Variants in NRG3 observed in about 807,000 individuals in gnomAD.
NRG3 encodes the protein neuregulin 3.
In NRG3, 31 loss-of-function variants were observed where a neutral mutation model predicts 66.9. The observed-to-expected ratio is 0.46, with a 90% CI of 0.35 to 0.63. The LOEUF (loss-of-function observed/expected upper bound fraction) is 0.63, where lower values mean the gene tolerates loss of function less well. NRG3 is among the 20% of genes least tolerant of loss of function. NRG3 has a pLI of 0.00. For synonymous variants in NRG3, 393 were observed against 359.4 expected (o/e 1.09, Z -1.06); for missense variants, 910 against 878.9 (o/e 1.04, Z -0.45).
chr10:81,917,718 C>T (rs188529655), intron 1 of NRG3, among the ~76,000 whole-genome samples: 4 of 152,182 alleles, frequency 2.6e-5, no homozygotes, highest in African/African-American at 9.6e-5. Context: ...CACATAGATA[C>T]AGTTTGTCTT....
chr10:82,405,572 T>A (rs187820408), intron 2 of NRG3, among the ~76,000 whole-genome samples: 1 of 150,840 alleles, frequency 6.6e-6, no homozygotes, highest in East Asian at 2.0e-4. Context: ...TTCTCATGCC[T>A]CAACCTCCTG....
At chr10:82,183,000 T>A (rs2073541722) in intron 1 of NRG3, among the ~76,000 whole-genome samples, 1 of 151,936 alleles carries the variant, frequency 6.6e-6, no homozygotes, top group Non-Finnish European at 1.5e-5. Flanking sequence ...GTTATGAGAG[T>A]TTTCTTCTAC....
chr10:82,902,248 T>C (rs1844296349), intron 4 of NRG3, among the ~76,000 whole-genome samples: 1 of 152,146 alleles, frequency 6.6e-6, no homozygotes, highest in Admixed American at 6.6e-5. Flanking sequence ...AAAGGGTCAG[T>C]GCTCCAAAGA....
intron 6 of NRG3, among the ~76,000 whole-genome samples, chr10:82,961,255 A>G (rs568730493): frequency 6.6e-6 from 1 of 152,358 alleles, no homozygotes; most frequent in South Asian, 2.1e-4. Context: ...AATGATTAAA[A>G]TCAATAGACA....
intron 2 of NRG3, among the ~76,000 whole-genome samples, chr10:82,621,179 A>T (rs1333697903): frequency 6.6e-6 from 1 of 152,172 alleles, no homozygotes; most frequent in African/African-American, 2.4e-5. Flanking sequence ...AACTTGAAGT[A>T]TTGTCTTTTC....
At position 82,608,434 on chromosome 10, in the gene NRG3, G is replaced by C. The variant is rs116754761; in HGVS notation, c.954-130143G>C. Among the ~76,000 whole-genome samples the C allele has an allele frequency of 5.2e-3, 787 of 151,970 alleles. 6 individuals are homozygous for C. The highest frequency in any genetic ancestry group is 0.017 in the African/African-American group (693 of 41,446). On this transcript the variant is annotated intron_variant, in intron 2 of 8. Coordinates refer to ENST00000372141, the MANE Select transcript of NRG3 (RefSeq NM_001010848.4). ...TTTTTATCTTTCTTGATGTTCCCTG[G>C]GCTTTCTGGATCTTTGATTTTGTTT...
At chr10:82,303,202 A>G (rs144343157) in intron 1 of NRG3, among the ~76,000 whole-genome samples, 2,207 of 152,294 alleles carry the variant, frequency 0.014, 28 homozygotes, top group South Asian at 0.027. Flanking sequence ...CCTGGGTTTT[A>G]TTAAAATAGT....
At chr10:82,983,593 A>T (rs1024104750) in intron 8 of NRG3, among the ~76,000 whole-genome samples, 1 of 152,212 alleles carries the variant, frequency 6.6e-6, no homozygotes, top group Non-Finnish European at 1.5e-5. Flanking sequence ...TAATTTTGGG[A>T]AAGTCATTTG....
intron 1 of NRG3, among the ~76,000 whole-genome samples, chr10:82,263,135 G>C (rs1392413120): frequency 6.6e-6 from 1 of 152,164 alleles, no homozygotes; most frequent in Non-Finnish European, 1.5e-5. Context: ...TGAGTCTGGG[G>C]ACTTAATAAA....
intron 1 of NRG3, among the ~76,000 whole-genome samples, chr10:81,932,341 C>A (rs2133005387): frequency 6.6e-6 from 1 of 151,824 alleles, no homozygotes; most frequent in South Asian, 2.1e-4. Context: ...CATGAGTGAC[C>A]CACCTCCATG....
chr10:82,514,216 C>T (rs1845451031), intron 2 of NRG3, among the ~76,000 whole-genome samples: 1 of 152,106 alleles, frequency 6.6e-6, no homozygotes, highest in African/African-American at 2.4e-5. Flanking sequence ...TAAATTTTTG[C>T]CCTTGTTGCA....
chr10:82,116,307 A>C (rs989238374), intron 1 of NRG3, among the ~76,000 whole-genome samples: 2 of 152,170 alleles, frequency 1.3e-5, no homozygotes, highest in African/African-American at 4.8e-5. Flanking sequence ...TTTAATAGCC[A>C]AGCTTAAAAT....
At chr10:82,249,421 A>G (rs1336164552) in intron 1 of NRG3, among the ~76,000 whole-genome samples, 2 of 152,176 alleles carry the variant, frequency 1.3e-5, no homozygotes, top group East Asian at 1.9e-4. Flanking sequence ...ACTTATGGAG[A>G]TTCTTTTCCC....
intron 3 of NRG3, among the ~76,000 whole-genome samples, chr10:82,841,546 C>T (rs1455968183): frequency 6.6e-6 from 1 of 152,106 alleles, no homozygotes; most frequent in East Asian, 1.9e-4. Context: ...TAGGGCAGGC[C>T]AGCTGACTGG....
intron 1 of NRG3, among the ~76,000 whole-genome samples, chr10:81,882,781 T>C (rs1265394208): frequency 6.6e-6 from 1 of 152,198 alleles, no homozygotes; most frequent in East Asian, 1.9e-4. Flanking sequence ...ATTGTTCTTA[T>C]ATGCCCTTGG....
chr10:82,672,565 G>A (rs937413762), intron 2 of NRG3, among the ~76,000 whole-genome samples: 2 of 152,154 alleles, frequency 1.3e-5, no homozygotes, highest in Non-Finnish European at 2.9e-5. Flanking sequence ...TCATGGTGGT[G>A]GGGAGGAGAT....
intron 6 of NRG3, among the ~76,000 whole-genome samples, chr10:82,962,611 G>C (rs1235108508): frequency 6.6e-6 from 1 of 152,140 alleles, no homozygotes; most frequent in Non-Finnish European, 1.5e-5. Flanking sequence ...GGCCAAAGCA[G>C]GTGGATCACC....
intron 1 of NRG3, among the ~76,000 whole-genome samples, chr10:82,132,872 T>C (rs2069036047): frequency 1.3e-5 from 2 of 151,920 alleles, no homozygotes; most frequent in Non-Finnish European, 2.9e-5. Context: ...TATTTGCTCA[T>C]ATTAATCTCT....
chr10:82,453,412 G>A lies in NRG3; in HGVS notation c.953+94544G>A, dbSNP rs1189398833. Among the ~76,000 whole-genome samples the A allele has an allele frequency of 3.9e-5, 6 of 152,250 alleles. No homozygotes were observed. In the South Asian group the frequency reaches 1.0e-3, roughly 26 times the overall value. On this transcript the variant is annotated intron_variant, in intron 2 of 8. Transcript: ENST00000372141. The stretch of plus-strand genomic sequence containing the variant: ...CAAATCTTACAGATAAGAAGGAAGA[G>A]TCTGGGAAAACCAGGATGATTGATT...
Sources: gnomAD v4.1 joint callset for allele counts (sites outside exome capture counted in the v4.1 genomes callset) on GRCh38, gnomAD v4.1.1 for gene constraint, MANE v1.5 for transcripts, NCBI Gene and HGNC (gene_info 2026-07-23, HGNC 2026-07-21) for gene names.